STAU2: variants seen among roughly 807,000 people sequenced by gnomAD.
The protein encoded by STAU2 is double-stranded RNA-binding protein Staufen homolog 2.
In STAU2, 20 loss-of-function variants were observed where a neutral mutation model predicts 65.9. The observed-to-expected ratio is 0.30, with a 90% confidence interval of 0.21 to 0.44. The LOEUF (loss-of-function observed/expected upper bound fraction) is 0.44. Among genes scored for constraint, STAU2 ranks in the 20% least tolerant of loss-of-function variants. STAU2 has a pLI of 1.00. For missense variants in STAU2, 558 were observed against 683.9 expected (o/e 0.82, Z 2.05); for synonymous variants, 232 against 233.9 (o/e 0.99, Z 0.07).
chr8:73,549,156 T>C (rs1013684001), intron 13 of STAU2, among the ~76,000 whole-genome samples: 15 of 152,176 alleles, frequency 9.9e-5, no homozygotes, highest in African/African-American at 3.6e-4. Context: ...GGACTACAAC[T>C]TTGAATGAGT....
chr8:73,459,146 G>A (rs1178925087), intron 13 of STAU2, among the ~76,000 whole-genome samples: 3 of 151,994 alleles, frequency 2.0e-5, no homozygotes, highest in African/African-American at 7.3e-5. Context: ...TGCTGTTTTG[G>A]TGTTAACTTG....
intron 13 of STAU2, among the ~76,000 whole-genome samples, chr8:73,537,044 C>T (rs955864897): frequency 2.6e-5 from 4 of 152,116 alleles, no homozygotes; most frequent in Admixed American, 1.3e-4. Flanking sequence ...CAATTACATA[C>T]ACACTCTTGA....
chr8:73,430,376 G>C (rs898449460), intron 13 of STAU2, among the ~76,000 whole-genome samples: 1 of 152,196 alleles, frequency 6.6e-6, no homozygotes, highest in African/African-American at 2.4e-5. Context: ...CCTCTCACAG[G>C]TACGGACAGA....
chr8:73,548,942 G>A (rs936380399), intron 13 of STAU2, among the ~76,000 whole-genome samples: 22 of 152,232 alleles, frequency 1.4e-4, no homozygotes, highest in African/African-American at 5.3e-4. Context: ...AATATAATTA[G>A]CATAGAAAAG....
At chr8:73,580,067 C>A (rs1586050691) in intron 12 of STAU2, among the ~76,000 whole-genome samples, 1 of 152,114 alleles carries the variant, frequency 6.6e-6, no homozygotes, top group Non-Finnish European at 1.5e-5. Context: ...ATTCTACATT[C>A]CCTTTTCATT....
At chr8:73,686,193 T>C (rs1818799035) in intron 5 of STAU2, among the ~76,000 whole-genome samples, 1 of 152,110 alleles carries the variant, frequency 6.6e-6, no homozygotes, top group Non-Finnish European at 1.5e-5. Context: ...AGCAGATGGA[T>C]CACGAAGTCA....
At chr8:73,600,101 C>T (rs1009423200) in intron 10 of STAU2, among the ~76,000 whole-genome samples, 18 of 152,114 alleles carry the variant, frequency 1.2e-4, no homozygotes, top group African/African-American at 4.3e-4. Flanking sequence ...GTGAACCACC[C>T]AATTTTAAGG....
chr8:73,531,702 G>A (rs547263115), intron 13 of STAU2, among the ~76,000 whole-genome samples: 2 of 152,210 alleles, frequency 1.3e-5, no homozygotes, highest in Admixed American at 1.3e-4. Context: ...TGCTTCTTAT[G>A]ATTCAAAGCA....
At chr8:73,591,764 C>A (rs1810791879) in intron 11 of STAU2, among the ~76,000 whole-genome samples, 1 of 151,322 alleles carries the variant, frequency 6.6e-6, no homozygotes, top group Non-Finnish European at 1.5e-5. Context: ...AACTTTAACA[C>A]TGGACAAAAC....
chr8:73,717,741 G>A (rs1192757390), intron 3 of STAU2, among the ~76,000 whole-genome samples: 1 of 152,054 alleles, frequency 6.6e-6, no homozygotes, highest in Non-Finnish European at 1.5e-5. Flanking sequence ...TCCACCTCCT[G>A]GGTTCAAGCG....
At chr8:73,692,523 A>G (rs1819402195) in intron 4 of STAU2, among the ~76,000 whole-genome samples, 1 of 152,058 alleles carries the variant, frequency 6.6e-6, no homozygotes, top group South Asian at 2.1e-4. Flanking sequence ...CTGGCTGTTC[A>G]CCTATATACT....
chr8:73,729,207 T>A (rs759439967), intron 3 of STAU2, among the ~76,000 whole-genome samples: 1 of 152,228 alleles, frequency 6.6e-6, no homozygotes, highest in Admixed American at 6.5e-5. Flanking sequence ...CCCCGCTTCA[T>A]TCTATTAATG....
intron 13 of STAU2, among the ~76,000 whole-genome samples, chr8:73,528,064 A>C (rs1805560695): frequency 6.6e-6 from 1 of 152,154 alleles, no homozygotes; most frequent in Non-Finnish European, 1.5e-5. Context: ...ACTAAATGCT[A>C]TACCTATCTT....
chr8:73,578,229 AATATT>A (rs1281691475), intron 12 of STAU2, among the ~76,000 whole-genome samples: 1 of 152,146 alleles, frequency 6.6e-6, no homozygotes, highest in African/African-American at 2.4e-5. Context: ...CTTTCCGGAG[AATATT>A]GCAGAAAAAC....
At chr8:73,520,798 A>C (rs1822998114) in intron 13 of STAU2, among the ~76,000 whole-genome samples, 1 of 152,134 alleles carries the variant, frequency 6.6e-6, no homozygotes. Flanking sequence ...AATGGGAATA[A>C]CCTGAGTCCT....
chr8:73,445,423 CA>C (rs533211892), intron 13 of STAU2, among the ~76,000 whole-genome samples: 3 of 151,894 alleles, frequency 2.0e-5, no homozygotes, highest in Non-Finnish European at 2.9e-5. Context: ...AATTACAAAA[CA>C]AAAAAAGTGC....
intron 5 of STAU2, among the ~76,000 whole-genome samples, chr8:73,676,432 T>A (rs1818033130): frequency 6.6e-6 from 1 of 152,212 alleles, no homozygotes; most frequent in African/African-American, 2.4e-5. Context: ...ACTGTAGATC[T>A]AAACTGTAAA....
At chr8:73,485,515 A>G (rs1489709603) in intron 13 of STAU2, among the ~76,000 whole-genome samples, 1 of 152,054 alleles carries the variant, frequency 6.6e-6, no homozygotes, top group African/African-American at 2.4e-5. Context: ...GAATTAAAAT[A>G]CATGCTTCTG....
At chr8:73,692,236 T>C (rs1200219080) in intron 4 of STAU2, among the ~76,000 whole-genome samples, 2 of 151,760 alleles carry the variant, frequency 1.3e-5, no homozygotes, top group East Asian at 1.9e-4. Flanking sequence ...TCTTGCTCTG[T>C]CGCCAAGGTT....
Sources: gnomAD v4.1 joint callset for allele counts (sites outside exome capture counted in the v4.1 genomes callset) on GRCh38, gnomAD v4.1.1 for gene constraint, MANE v1.5 for transcripts, NCBI Gene and HGNC (gene_info 2026-07-23, HGNC 2026-07-21) for gene names.